Variants in TUBGCP3 observed in about 807,000 individuals in gnomAD.
TUBGCP3 encodes the protein tubulin gamma complex component 3.
Under a neutral mutation model 123.1 loss-of-function variants are expected in TUBGCP3, and 50 were observed. That is an observed-to-expected ratio of 0.41 (90% CI 0.32 to 0.51). The LOEUF is 0.51. Ranked by LOEUF, TUBGCP3 falls within the 20% of genes least tolerant of loss-of-function variation. TUBGCP3 has a pLI of 0.36. For synonymous variants in TUBGCP3, 405 were observed against 413.9 expected (o/e 0.98, Z 0.26); for missense variants, 882 against 1,127.0 (o/e 0.78, Z 3.11).
intron 1 of TUBGCP3, among the ~76,000 whole-genome samples, chr13:112,579,409 T>C (rs1045191079): frequency 6.6e-6 from 1 of 151,024 alleles, no homozygotes; most frequent in African/African-American, 2.4e-5. Flanking sequence ...TCTCGCACAC[T>C]GCTGAGTGCC....
At chr13:112,495,315 TTC>T (rs1477057796) in intron 20 of TUBGCP3, among the ~76,000 whole-genome samples, 3 of 152,220 alleles carry the variant, frequency 2.0e-5, no homozygotes, top group African/African-American at 7.2e-5. Flanking sequence ...CTTTCCTTCC[TTC>T]TCTCTGTACT....
rs531690427 is a variant in TUBGCP3 at position 112,539,647 on chromosome 13, C to G, written c.1335+6052G>C. ...CTAGAGCTCTATCTAATCTCAGACC[C>G]TAGGTACGTGCATCAGTAAATACAG... On this transcript the variant is annotated intron_variant, in intron 11 of 21. Transcript: ENST00000261965. 1.8e-3 allele frequency among the ~76,000 whole-genome samples: 270 copies of G among 152,304 alleles called. 1 individual carries two copies. Among genetic ancestry groups the G allele is most frequent in the Non-Finnish European group, 3.0e-3 (206 of 68,034 alleles).
At chr13:112,592,174 A>G (rs566037285), upstream of TUBGCP3, among the ~76,000 whole-genome samples, 14 of 152,340 alleles carry the variant, frequency 9.2e-5, no homozygotes, top group African/African-American at 2.6e-4. This position sits in a 1 kb window ranked among gnomAD's most constrained non-coding sequence, Gnocchi z 4.1. Flanking sequence ...TGGACATAGG[A>G]TGGAATAGTT....
At chr13:112,597,435 G>A in the TUBGCP3 span, among the ~76,000 whole-genome samples, 6 of 152,188 alleles carry the variant, frequency 3.9e-5, no homozygotes, top group Middle Eastern at 3.2e-3. Context: ...CTTTCACATA[G>A]TGTCTCAGTC....
chr13:112,552,786 G>A (rs1461315597), intron 8 of TUBGCP3, among the ~76,000 whole-genome samples: 70 of 122,592 alleles, frequency 5.7e-4, no homozygotes, highest in African/African-American at 1.9e-3. Context: ...CACCAGCCAC[G>A]CTCTTCCCCA....
chr13:112,562,035 C>G (rs906062111), intron 3 of TUBGCP3, among the ~76,000 whole-genome samples: 1 of 152,122 alleles, frequency 6.6e-6, no homozygotes, highest in African/African-American at 2.4e-5. Flanking sequence ...GACAGTGAGG[C>G]AGTCTGGAAA....
At chr13:112,486,342 G>A (rs2139171903) in intron 21 of TUBGCP3, among the ~76,000 whole-genome samples, 191 bp from the exon 22 acceptor site, 1 of 152,326 alleles carries the variant, frequency 6.6e-6, no homozygotes, top group East Asian at 1.9e-4. Context: ...CACGGCCAGT[G>A]CACCTGCATT....
chr13:112,558,535 C>T (rs1418883706), intron 4 of TUBGCP3, 122 bp from the exon 5 acceptor site: 2 of 802,874 alleles, frequency 2.5e-6, no homozygotes, highest in East Asian at 5.4e-5. Context: ...GGGTTCCATA[C>T]TTTATTAAAC....
intron 5 of TUBGCP3, 94 bp from the exon 6 acceptor site, chr13:112,556,318 T>A: frequency 1.7e-6 from 2 of 1,191,482 alleles, no homozygotes; most frequent in Non-Finnish European, 2.4e-6. Context: ...TATCGTGAAT[T>A]ACATAAATTT....
At chr13:112,539,552 G>A (rs1047516732) in intron 11 of TUBGCP3, among the ~76,000 whole-genome samples, 3 of 152,224 alleles carry the variant, frequency 2.0e-5, no homozygotes, top group African/African-American at 7.2e-5. Context: ...GCAAACAAGA[G>A]TATCTCAGGT....
At chr13:112,489,464 C>G in intron 21 of TUBGCP3, 117 bp downstream of exon 21, 1 of 782,502 alleles carries the variant, frequency 1.3e-6, no homozygotes, top group Non-Finnish European at 2.3e-6. Flanking sequence ...CTCACACCTA[C>G]ACAAATAAGT....
intron 13 of TUBGCP3, 46 bp downstream of exon 13, chr13:112,526,896 A>G (rs538531461): frequency 2.9e-6 from 4 of 1,358,768 alleles, no homozygotes; most frequent in African/African-American, 2.9e-5. Flanking sequence ...ATCATCATCA[A>G]CATCACACCA....
intron 21 of TUBGCP3, among the ~76,000 whole-genome samples, chr13:112,487,902 C>T (rs570787659): frequency 1.2e-4 from 19 of 152,066 alleles, no homozygotes; most frequent in African/African-American, 4.3e-4. Flanking sequence ...GAAGCTGAGG[C>T]GGGTGGATCA....
At chr13:112,571,313 T>C (rs1881371078) in intron 1 of TUBGCP3, among the ~76,000 whole-genome samples, 2 of 152,250 alleles carry the variant, frequency 1.3e-5, no homozygotes. Context: ...CTTTGGTCCA[T>C]GTTCTGCAGA....
intron 19 of TUBGCP3, among the ~76,000 whole-genome samples, chr13:112,502,211 T>C (rs1880952759): frequency 1.3e-5 from 2 of 152,218 alleles, no homozygotes; most frequent in African/African-American, 4.8e-5. Flanking sequence ...ACTAGGACCA[T>C]GCCCTTTTAA....
At chr13:112,564,279 AAC>A (rs1264209974) in intron 3 of TUBGCP3, among the ~76,000 whole-genome samples, 1 of 152,234 alleles carries the variant, frequency 6.6e-6, no homozygotes, top group Admixed American at 6.5e-5. Context: ...ACAATATAAC[AAC>A]AGAGGAAGAC....
intron 17 of TUBGCP3, among the ~76,000 whole-genome samples, chr13:112,515,626 A>G (rs1876055755): frequency 6.6e-6 from 1 of 152,226 alleles, no homozygotes; most frequent in South Asian, 2.1e-4. Flanking sequence ...CCTTTAAAAG[A>G]AAATCTCCCC....
chr13:112,600,696 C>A, the TUBGCP3 span, among the ~76,000 whole-genome samples: 1 of 152,178 alleles, frequency 6.6e-6, no homozygotes, highest in East Asian at 1.9e-4. Flanking sequence ...CTATAAATAT[C>A]GCTAGGATCG....
chr13:112,516,374 C>A (rs138967021), intron 17 of TUBGCP3, 66 bp downstream of exon 17: 29 of 1,445,556 alleles, frequency 2.0e-5, no homozygotes, highest in Admixed American at 1.6e-4. Context: ...TGCTGGAAAC[C>A]GCACCCAGTG....
Sources: allele counts gnomAD v4.1 joint callset (sites outside exome capture counted in the v4.1 genomes callset), GRCh38; gene constraint gnomAD v4.1.1; non-coding constraint Gnocchi (gnomAD v3.1); transcripts MANE v1.5; gene names NCBI Gene and HGNC (gene_info 2026-07-23, HGNC 2026-07-21).